The following TNKS variants were observed in gnomAD, a reference collection of about 807,000 sequenced individuals.
The protein encoded by TNKS is tankyrase.
In TNKS, 72 loss-of-function variants were observed where a neutral mutation model predicts 135.8. That is an observed-to-expected ratio of 0.53 (90% CI 0.44 to 0.64). The LOEUF is 0.64. Ranked by LOEUF, TNKS falls within the 30% of genes least tolerant of loss-of-function variation. The pLI, the probability that TNKS is intolerant of heterozygous loss-of-function variation, is 0.00. For missense variants in TNKS, 1,769 were observed against 1,674.0 expected (o/e 1.06, Z -0.99); for synonymous variants, 849 against 649.3 (o/e 1.31, Z -4.68).
rs1798814449 is a variant in TNKS, at chr8:9,596,996, A to C, written c.898+16613A>C. On this transcript the variant is annotated intron_variant, in intron 2 of 26. Coordinates refer to ENST00000310430, the MANE Select transcript of TNKS (RefSeq NM_003747.3). ...ATATAGGAGTGGTATACGAGGTATT[A>C]AGGACAAATATGTAGATATGCCTTT... Among the ~76,000 whole-genome samples, 2 of 152,240 alleles carry C rather than the reference A, an allele frequency of 1.3e-5. 1 individual carries two copies. The highest frequency in any genetic ancestry group is 4.1e-4 in the South Asian group (2 of 4,836).
At chr8:9,710,736 A>G (rs569720699) in intron 11 of TNKS, among the ~76,000 whole-genome samples, 1 of 152,242 alleles carries the variant, frequency 6.6e-6, no homozygotes, top group Admixed American at 6.5e-5. Context: ...CTCTACTAAA[A>G]ATACAAAAAA....
rs1307022671 is a variant in TNKS, at chr8:9,675,613, A to AT, written c.995-4332dup. ...ATGCTTTAAAGTAGTTTTGATGAAC[A>AT]TTTTTTGCTTGTTATATTGATGTGA... On this transcript the variant is annotated intron_variant, in intron 3 of 26. Transcript: ENST00000310430. Among the ~76,000 whole-genome samples, 26 of 152,264 alleles carry AT rather than the reference A, an allele frequency of 1.7e-4. 3 individuals carry two copies. Among genetic ancestry groups the AT allele is most frequent in the African/African-American group, 6.3e-4 (26 of 41,536 alleles).
At chr8:9,742,020 G>T (rs185400333) in intron 17 of TNKS, among the ~76,000 whole-genome samples, 186 of 152,228 alleles carry the variant, frequency 1.2e-3, no homozygotes, top group African/African-American at 4.4e-3. Flanking sequence ...CTTTGTAAAT[G>T]AAGGTAACTT....
intron 2 of TNKS, among the ~76,000 whole-genome samples, chr8:9,580,903 T>C (rs1360076595): frequency 2.0e-5 from 3 of 152,192 alleles, no homozygotes; most frequent in Admixed American, 6.5e-5. Flanking sequence ...TTTTCAATCA[T>C]TTTAGGTATC....
At chr8:9,616,267 C>G (rs1799641744) in intron 3 of TNKS, among the ~76,000 whole-genome samples, 1 of 152,154 alleles carries the variant, frequency 6.6e-6, no homozygotes, top group African/African-American at 2.4e-5. Context: ...CAAGAACCAG[C>G]AAAGAGGAAA....
intron 20 of TNKS, among the ~76,000 whole-genome samples, chr8:9,756,694 A>G (rs910120717): frequency 2.6e-5 from 4 of 152,204 alleles, no homozygotes; most frequent in African/African-American, 9.6e-5. Context: ...CAAAAGTCTC[A>G]TAGTTACCCA....
intron 3 of TNKS, among the ~76,000 whole-genome samples, chr8:9,674,973 C>A (rs1026181051): frequency 9.9e-5 from 15 of 152,080 alleles, no homozygotes; most frequent in African/African-American, 3.6e-4. Context: ...GCATTGAGAG[C>A]TGTGATAACT....
intron 11 of TNKS, among the ~76,000 whole-genome samples, chr8:9,712,837 C>CTGTAATCA (rs1450588563): frequency 1.3e-5 from 2 of 152,154 alleles, no homozygotes; most frequent in African/African-American, 4.8e-5. Context: ...CTGTAGTGAG[C>CTGTAATCA]TGTAATCATG....
At chr8:9,730,763 T>G (rs1805397007) in intron 13 of TNKS, 127 bp from the exon 14 acceptor site, 2 of 1,117,578 alleles carry the variant, frequency 1.8e-6, no homozygotes, top group South Asian at 1.7e-5. Flanking sequence ...TGTCTAATCT[T>G]TGGAAATAAA....
intron 3 of TNKS, among the ~76,000 whole-genome samples, chr8:9,657,584 G>A (rs1368662009): frequency 0.015 from 1,192 of 81,350 alleles, 20 homozygotes; most frequent in African/African-American, 0.042. Flanking sequence ...CAGACGGGGC[G>A]GCTGGCCGGG....
At chr8:9,702,915 C>T (rs372232386) in intron 5 of TNKS, among the ~76,000 whole-genome samples, 1 of 152,068 alleles carries the variant, frequency 6.6e-6, no homozygotes, top group African/African-American at 2.4e-5. Flanking sequence ...ACTCGGGAGG[C>T]TGAGACAGGA....
In TNKS at chr8:9,778,259, C is replaced by T. The variant is rs182967083; in HGVS notation, c.*1523C>T. 2 of 152,228 alleles carry T rather than the reference C, an allele frequency of 1.3e-5. No individual in the cohort carries two copies. The highest frequency in any genetic ancestry group is 2.1e-4 in the South Asian group (1 of 4,826). 9.4% of individuals were successfully genotyped at this position (152,228 alleles called of 1,614,324 possible). On this transcript the variant is annotated 3_prime_UTR_variant, in exon 27 of 27. Coordinates refer to ENST00000310430, the MANE Select transcript of TNKS (RefSeq NM_003747.3). ...ACTGTGCATCTACTCTGCTTTGAAG[C>T]GAAAGAAATATAAACACGAGGAGGA...
chr8:9,603,671 A>T (rs1799106078), intron 2 of TNKS, among the ~76,000 whole-genome samples: 1 of 152,204 alleles, frequency 6.6e-6, no homozygotes, highest in African/African-American at 2.4e-5. Context: ...TGAGGTTCTC[A>T]TAGGTTCCTC....
chr8:9,614,950 T>A (rs1243700789), intron 2 of TNKS, among the ~76,000 whole-genome samples: 1 of 152,206 alleles, frequency 6.6e-6, no homozygotes, highest in Non-Finnish European at 1.5e-5. Context: ...TTAGGATATA[T>A]TATAGTGATT....
intron 26 of TNKS, among the ~76,000 whole-genome samples, chr8:9,775,008 A>C (rs1808140957): frequency 6.6e-6 from 1 of 152,174 alleles, no homozygotes; most frequent in Non-Finnish European, 1.5e-5. Context: ...AAGCTCCTTC[A>C]CAGCAGGGTC....
At chr8:9,593,604 C>G (rs1459464887) in intron 2 of TNKS, among the ~76,000 whole-genome samples, 1 of 152,158 alleles carries the variant, frequency 6.6e-6, no homozygotes, top group African/African-American at 2.4e-5. Flanking sequence ...AAATTTAAAC[C>G]AAGTGTAACT....
At chr8:9,566,551 T>C (rs1797548611) in intron 1 of TNKS, 1 of 151,702 alleles carries the variant, frequency 6.6e-6, no homozygotes, top group Admixed American at 6.6e-5. Context: ...TCTTCTGACA[T>C]TCTTAAGTAC....
chr8:9,573,549 G>A (rs371030162), intron 1 of TNKS, among the ~76,000 whole-genome samples: 1 of 152,158 alleles, frequency 6.6e-6, no homozygotes, highest in Admixed American at 6.5e-5. Context: ...GGCAACTTCA[G>A]GCTAAATTAA....
intron 3 of TNKS, among the ~76,000 whole-genome samples, chr8:9,665,945 A>C (rs946008257): frequency 6.6e-6 from 1 of 150,386 alleles, no homozygotes; most frequent in African/African-American, 2.5e-5. Context: ...TCTTTTTACT[A>C]CTCTTCTCTC....
Sources: gnomAD v4.1 joint callset for allele counts (sites outside exome capture counted in the v4.1 genomes callset) on GRCh38, gnomAD v4.1.1 for gene constraint, MANE v1.5 for transcripts, NCBI Gene and HGNC (gene_info 2026-07-23, HGNC 2026-07-21) for gene names.